The following TANC1 variants were observed in gnomAD, a reference collection of about 807,000 sequenced individuals.
TANC1 encodes protein TANC1.
TANC1 carries 77 observed loss-of-function variants against 149.7 expected under a neutral mutation model. The ratio of observed to expected loss-of-function variants is 0.51; its 90% CI spans 0.43 to 0.62. The LOEUF (loss-of-function observed/expected upper bound fraction) is 0.62. Ranked by LOEUF, TANC1 falls within the 20% of genes least tolerant of loss-of-function variation. TANC1 has a pLI of 0.00. For synonymous variants in TANC1, 854 were observed against 925.0 expected (o/e 0.92, Z 1.39); for missense variants, 1,985 against 2,321.8 (o/e 0.85, Z 2.98).
chr2:159,229,156 G>C (rs1251371595), intron 26 of TANC1, among the ~76,000 whole-genome samples: 2 of 151,872 alleles, frequency 1.3e-5, no homozygotes, highest in Non-Finnish European at 2.9e-5. Flanking sequence ...ACTGCAACAT[G>C]AACTTCCTAC....
In TANC1 at chr2:159,231,210, CAG is replaced by C; in HGVS notation, c.*200_*201del. On this transcript the variant is annotated 3_prime_UTR_variant, in exon 27 of 27. Coordinates refer to ENST00000263635, the MANE Select transcript of TANC1 (RefSeq NM_033394.3). The stretch of plus-strand genomic sequence containing the variant: ...AATCACCATAAATAAGAATGCTAAA[CAG>C]AATTGAAAATTATATCAACTTAAAA... 1.9e-6 allele frequency: 1 copy of C among 513,526 alleles called. No individual in the cohort carries two copies. The highest frequency in any genetic ancestry group is 3.1e-5 in the South Asian group (1 of 32,402). The allele number at this position is 513,526 out of a possible 1,614,324, so 31.8% of individuals were successfully genotyped here.
chr2:159,004,522 C>T (rs1023731734), intron 2 of TANC1, among the ~76,000 whole-genome samples: 3 of 151,572 alleles, frequency 2.0e-5, no homozygotes, highest in Non-Finnish European at 4.4e-5. Flanking sequence ...TTTTTTTGGT[C>T]AAAATATGAA....
At chr2:159,111,504 C>T (rs917826615) in intron 4 of TANC1, among the ~76,000 whole-genome samples, 3 of 152,190 alleles carry the variant, frequency 2.0e-5, no homozygotes, top group African/African-American at 4.8e-5. Flanking sequence ...ATGGCACAGC[C>T]GTTGTTCTGC....
intron 13 of TANC1, among the ~76,000 whole-genome samples, chr2:159,177,853 G>T (rs2056043985): frequency 6.6e-6 from 1 of 152,194 alleles, no homozygotes; most frequent in Non-Finnish European, 1.5e-5. Context: ...TGGGAGCTGA[G>T]GATGTTTTGT....
chr2:159,145,608 G>A (rs1017296386), intron 5 of TANC1, among the ~76,000 whole-genome samples: 9 of 152,296 alleles, frequency 5.9e-5, no homozygotes, highest in East Asian at 1.9e-4. Flanking sequence ...GATGGCAGTC[G>A]GGAGCTGGTC....
At chr2:159,215,992 G>A (rs1221743478) in intron 19 of TANC1, among the ~76,000 whole-genome samples, 1 of 152,204 alleles carries the variant, frequency 6.6e-6, no homozygotes, top group Non-Finnish European at 1.5e-5. Context: ...CACCTTGAGA[G>A]TGCCTGCAGG....
In TANC1 at chr2:159,066,825, C is replaced by A. The variant is rs367726519; in HGVS notation, c.61+854C>A. 2.4e-4 allele frequency among the ~76,000 whole-genome samples: 36 copies of A among 152,328 alleles called. No individual in the cohort carries two copies. In the South Asian group the frequency reaches 7.3e-3, roughly 31 times the overall value. On this transcript the variant is annotated intron_variant, in intron 3 of 26. Coordinates refer to ENST00000263635, the MANE Select transcript of TANC1 (RefSeq NM_033394.3). Reference sequence around the variant, plus strand: ...GTTCTGGTGCATATTGTCACTGTGACTTTAATAGCATTACATTCCTTGTGC... The same window carrying A: ...GTTCTGGTGCATATTGTCACTGTGAATTTAATAGCATTACATTCCTTGTGC...
At chr2:159,227,606 C>T (rs181152608) in intron 24 of TANC1, 6 of 555,528 alleles carry the variant, frequency 1.1e-5, no homozygotes, top group African/African-American at 9.6e-5. Flanking sequence ...CACTGTGTAA[C>T]CACAGGATGC....
chr2:159,059,793 T>A (rs1289283903), intron 2 of TANC1, among the ~76,000 whole-genome samples: 2 of 151,706 alleles, frequency 1.3e-5, no homozygotes, highest in African/African-American at 4.8e-5. Context: ...CTCCTAGGAG[T>A]GATGAGACAT....
chr2:159,106,764 T>C (rs2047225041), intron 4 of TANC1, among the ~76,000 whole-genome samples: 1 of 152,244 alleles, frequency 6.6e-6, no homozygotes, highest in Non-Finnish European at 1.5e-5. Context: ...TAAGTGGCTG[T>C]ACTATTTTAT....
At chr2:159,000,054 A>AT in intron 1 of TANC1, among the ~76,000 whole-genome samples, 1 of 152,256 alleles carries the variant, frequency 6.6e-6, no homozygotes, top group East Asian at 1.9e-4. Flanking sequence ...ATTACAGGCA[A>AT]GGGCCTCCAT....
chr2:158,999,815 A>G (rs2036465656), intron 1 of TANC1, among the ~76,000 whole-genome samples: 1 of 152,212 alleles, frequency 6.6e-6, no homozygotes, highest in Non-Finnish European at 1.5e-5. Context: ...ACTTACTGGC[A>G]CTTTGATTCG....
At chr2:159,003,197 C>A (rs2036783810) in intron 2 of TANC1, among the ~76,000 whole-genome samples, 1 of 152,180 alleles carries the variant, frequency 6.6e-6, no homozygotes, top group African/African-American at 2.4e-5. Context: ...GTGCCAAATT[C>A]AGATTGATTG....
chr2:159,011,320 A>AAAC (rs796178755), intron 2 of TANC1, among the ~76,000 whole-genome samples: 1 of 151,018 alleles, frequency 6.6e-6, no homozygotes, highest in African/African-American at 2.4e-5. Context: ...CTTGGAAGTA[A>AAAC]AACAACAACA....
At chr2:159,077,606 A>G (rs2043829852) in intron 3 of TANC1, among the ~76,000 whole-genome samples, 1 of 152,222 alleles carries the variant, frequency 6.6e-6, no homozygotes, top group African/African-American at 2.4e-5. Flanking sequence ...TCTGTAAACT[A>G]CTATGATGAT....
intron 19 of TANC1, among the ~76,000 whole-genome samples, chr2:159,213,951 C>A (rs534942495): frequency 6.6e-6 from 1 of 151,884 alleles, no homozygotes; most frequent in South Asian, 2.1e-4. Context: ...CATGGTGAAA[C>A]CCCATCTCTA....
chr2:159,171,901 A>T (rs975491933), intron 10 of TANC1, among the ~76,000 whole-genome samples: 1 of 150,474 alleles, frequency 6.6e-6, no homozygotes, highest in Non-Finnish European at 1.5e-5. Context: ...AATTTAATAG[A>T]GGAAACTGGA....
At chr2:159,072,002 T>G (rs899919048) in intron 3 of TANC1, among the ~76,000 whole-genome samples, 6 of 152,224 alleles carry the variant, frequency 3.9e-5, no homozygotes, top group Non-Finnish European at 8.8e-5. Flanking sequence ...TTTTTTGAGA[T>G]GAAGTCTCGG....
At chr2:159,058,438 A>G (rs1441536844) in intron 2 of TANC1, among the ~76,000 whole-genome samples, 1 of 144,806 alleles carries the variant, frequency 6.9e-6, no homozygotes, top group East Asian at 2.0e-4. Flanking sequence ...CCCTTCCATA[A>G]TAACCCTGCC....
Sources: gnomAD v4.1 joint callset for allele counts (sites outside exome capture counted in the v4.1 genomes callset) on GRCh38, gnomAD v4.1.1 for gene constraint, MANE v1.5 for transcripts, NCBI Gene and HGNC (gene_info 2026-07-23, HGNC 2026-07-21) for gene names.